The following ASPH variants were observed in gnomAD, a reference collection of about 807,000 sequenced individuals.
ASPH encodes aspartate beta-hydroxylase.
In ASPH, 100 loss-of-function variants were observed where a neutral mutation model predicts 118.4. The observed-to-expected ratio is 0.84, with a 90% CI of 0.72 to 1.00. The LOEUF (loss-of-function observed/expected upper bound fraction) is 1.00, where lower values mean the gene tolerates loss of function less well. ASPH is among the 50% of genes least tolerant of loss of function. The pLI is 0.00. For missense variants in ASPH, 920 were observed against 919.5 expected, an observed-to-expected ratio of 1.00 and a Z score of -0.01; for synonymous variants, 315 against 325.6, an observed-to-expected ratio of 0.97 and a Z score of 0.35.
At position 61,656,149 on chromosome 8, in the gene ASPH, T is replaced by A. The variant is rs181558806; in HGVS notation, c.323-2489A>T. On this transcript the variant is annotated intron_variant, in intron 3 of 24. Transcript: ENST00000379454. ...TAGGAAAGGTTTTCAAAAATGGATT[T>A]ATTATGAGGTACAAGTGGCAATGAA... 25 of 152,290 alleles carry A rather than the reference T, an allele frequency of 1.6e-4. No individual in the cohort carries two copies. In the East Asian group the frequency reaches 3.7e-3, roughly 22 times the overall value. The allele number at this position is 152,290 out of a possible 1,614,324, so 9.4% of individuals were successfully genotyped here.
intron 3 of ASPH, among the ~76,000 whole-genome samples, chr8:61,678,785 C>G (rs1055430406): frequency 1.3e-5 from 2 of 152,122 alleles, no homozygotes; most frequent in East Asian, 3.8e-4. Context: ...GGGCCTTAAT[C>G]TAAAACCTAA....
At chr8:61,714,161 G>C in intron 1 of ASPH, 108 bp downstream of exon 1, 1 of 1,270,186 alleles carries the variant, frequency 7.9e-7, no homozygotes, top group South Asian at 2.5e-5. Flanking sequence ...GGGGGATGGA[G>C]GCGGCGCGCG....
intron 3 of ASPH, chr8:61,663,150 C>G (rs1397706540): frequency 1.0e-6 from 1 of 985,264 alleles, no homozygotes; most frequent in Non-Finnish European, 1.2e-6. Context: ...GTGTAACTTT[C>G]ATATGCCTGG....
At chr8:61,548,511 G>A (rs1229723043) in intron 20 of ASPH, among the ~76,000 whole-genome samples, 2 of 152,012 alleles carry the variant, frequency 1.3e-5, no homozygotes, top group African/African-American at 2.4e-5. Context: ...GCAGGGAGTC[G>A]AGCACTTATT....
chr8:61,700,532 A>ATTTC lies in ASPH; in HGVS notation c.103+13733_103+13736dup, dbSNP rs142450579. Among the ~76,000 whole-genome samples the ATTTC allele has an allele frequency of 7.0e-3, 1,061 of 152,298 alleles. 14 individuals carry two copies. The highest frequency in any genetic ancestry group is 0.024 in the African/African-American group (997 of 41,556). ...ACAACGAATGGAGAAAAATGAAGCT[A>ATTTC]TTTCCTGTTAGCATCCAGGCAGATA... On this transcript the variant is annotated intron_variant, in intron 1 of 24. Coordinates refer to ENST00000379454, the MANE Select transcript of ASPH (RefSeq NM_004318.4).
intron 14 of ASPH, among the ~76,000 whole-genome samples, chr8:61,598,092 A>T (rs1842954622): frequency 6.6e-6 from 1 of 152,198 alleles, no homozygotes; most frequent in African/African-American, 2.4e-5. Context: ...GAAAACAAGA[A>T]AACAATTAAC....
intron 21 of ASPH, among the ~76,000 whole-genome samples, chr8:61,530,828 T>G (rs921096111): frequency 6.6e-6 from 1 of 152,250 alleles, no homozygotes; most frequent in African/African-American, 2.4e-5. Context: ...TTAAAATATT[T>G]CTTCTGTTGT....
intron 14 of ASPH, among the ~76,000 whole-genome samples, chr8:61,615,695 T>A (rs1271696096): frequency 6.6e-6 from 1 of 152,194 alleles, no homozygotes; most frequent in Non-Finnish European, 1.5e-5. Flanking sequence ...AAAGATGACA[T>A]CCAGTGGGGA....
intron 21 of ASPH, among the ~76,000 whole-genome samples, chr8:61,546,766 T>C (rs2130832424): frequency 6.6e-6 from 1 of 152,332 alleles, no homozygotes; most frequent in African/African-American, 2.4e-5. Context: ...AATTAATCAG[T>C]GAAGTCTTGT....
intron 1 of ASPH, among the ~76,000 whole-genome samples, chr8:61,699,401 CG>C (rs1834713339): frequency 2.6e-5 from 4 of 152,158 alleles, no homozygotes. Context: ...AAAAATCCCT[CG>C]CCATAAGACA....
At chr8:61,579,112 A>G (rs879835599) in intron 15 of ASPH, 491 of 1,610,838 alleles carry the variant, frequency 3.0e-4, no homozygotes, top group Non-Finnish European at 3.9e-4. Context: ...AAGCACGGGG[A>G]TGACCTGTGG....
At chr8:61,531,104 C>T (rs1817408472) in intron 21 of ASPH, among the ~76,000 whole-genome samples, 1 of 151,920 alleles carries the variant, frequency 6.6e-6, no homozygotes, top group Non-Finnish European at 1.5e-5. Context: ...TTTTTCTGTC[C>T]CCTTTTCATT....
intron 14 of ASPH, among the ~76,000 whole-genome samples, chr8:61,618,235 TACA>T (rs918787768): frequency 6.6e-6 from 1 of 152,160 alleles, no homozygotes; most frequent in African/African-American, 2.4e-5. Flanking sequence ...GCACGTTATG[TACA>T]AGATACATAT....
chr8:61,672,442 T>G (rs1412156061), intron 3 of ASPH, among the ~76,000 whole-genome samples: 1 of 152,056 alleles, frequency 6.6e-6, no homozygotes, highest in Non-Finnish European at 1.5e-5. Flanking sequence ...TAGCATAGGT[T>G]TGTTATAGAA....
intron 24 of ASPH, among the ~76,000 whole-genome samples, chr8:61,512,262 G>GA (rs1554594617): frequency 6.6e-6 from 1 of 152,028 alleles, no homozygotes; most frequent in South Asian, 2.1e-4. Flanking sequence ...ACCTGATTTG[G>GA]AAAAAAGATC....
intron 13 of ASPH, chr8:61,625,880 T>C: frequency 9.9e-7 from 1 of 1,010,120 alleles, no homozygotes; most frequent in Non-Finnish European, 1.2e-6. Flanking sequence ...CAGTTAGTGT[T>C]AATTACTAAT....
At chr8:61,711,814 C>T (rs1838126028) in intron 1 of ASPH, among the ~76,000 whole-genome samples, 1 of 152,212 alleles carries the variant, frequency 6.6e-6, no homozygotes, top group Admixed American at 6.5e-5. Flanking sequence ...AAAAAACGTA[C>T]TATTTGAACA....
intron 3 of ASPH, among the ~76,000 whole-genome samples, chr8:61,672,363 G>A (rs1160675135): frequency 6.6e-6 from 1 of 151,932 alleles, no homozygotes; most frequent in Admixed American, 6.6e-5. Context: ...TCCAGAGACA[G>A]AGAAAAAAAG....
intron 14 of ASPH, among the ~76,000 whole-genome samples, chr8:61,589,529 G>A (rs796646785): frequency 1.3e-5 from 2 of 152,272 alleles, no homozygotes; most frequent in African/African-American, 4.8e-5. Flanking sequence ...AATGACATTG[G>A]AATATTTTTG....
Sources: gnomAD v4.1 joint callset for allele counts (sites outside exome capture counted in the v4.1 genomes callset) on GRCh38, gnomAD v4.1.1 for gene constraint, MANE v1.5 for transcripts, NCBI Gene and HGNC (gene_info 2026-07-23, HGNC 2026-07-21) for gene names.